Variants in EDIL3 observed in about 807,000 individuals in gnomAD.
The protein encoded by EDIL3 is EGF-like repeat and discoidin I-like domain-containing protein 3.
EDIL3 carries 37 observed loss-of-function variants against 67.4 expected under a neutral mutation model. The observed-to-expected ratio is 0.55, with a 90% CI of 0.42 to 0.72. The LOEUF (loss-of-function observed/expected upper bound fraction) is 0.72, where lower values mean the gene tolerates loss of function less well. Among genes scored for constraint, EDIL3 ranks in the 30% least tolerant of loss-of-function variants. EDIL3 has a pLI of 0.00. For synonymous variants in EDIL3, 195 were observed against 196.3 expected, an observed-to-expected ratio of 0.99 and a Z score of 0.05; for missense variants, 527 against 586.3, an observed-to-expected ratio of 0.90 and a Z score of 1.04.
At chr5:84,144,505 T>C (rs1748259165) in intron 4 of EDIL3, among the ~76,000 whole-genome samples, 1 of 152,086 alleles carries the variant, frequency 6.6e-6, no homozygotes, top group Non-Finnish European at 1.5e-5. Flanking sequence ...ATATCAAAAC[T>C]AAATTGGTCT....
At chr5:84,326,803 ACCAC>A (rs1188877810) in intron 1 of EDIL3, among the ~76,000 whole-genome samples, 2 of 151,400 alleles carry the variant, frequency 1.3e-5, no homozygotes, top group Admixed American at 6.6e-5. Context: ...TTTTTTTCTT[ACCAC>A]CTTCTACATT....
At chr5:84,077,469 T>C (rs1422891177) in intron 6 of EDIL3, among the ~76,000 whole-genome samples, 1 of 152,180 alleles carries the variant, frequency 6.6e-6, no homozygotes, top group Non-Finnish European at 1.5e-5. Flanking sequence ...CAGTTCCACA[T>C]GGCTGGGGAG....
chr5:84,125,680 G>A (rs566634619), intron 5 of EDIL3, among the ~76,000 whole-genome samples: 37 of 152,046 alleles, frequency 2.4e-4, no homozygotes, highest in African/African-American at 8.2e-4. Context: ...CCCCAAGTAC[G>A]GAGTGATCCC....
chr5:84,019,221 A>C (rs1368090162), intron 9 of EDIL3, among the ~76,000 whole-genome samples: 1 of 152,184 alleles, frequency 6.6e-6, no homozygotes. Flanking sequence ...AGCCATAAAA[A>C]ATGATGAATT....
intron 2 of EDIL3, among the ~76,000 whole-genome samples, chr5:84,233,684 A>G (rs984741173): frequency 3.3e-5 from 5 of 152,150 alleles, no homozygotes; most frequent in Non-Finnish European, 7.4e-5. Flanking sequence ...ATTTGGGGAC[A>G]AGGATATGTA....
At chr5:84,028,563 A>G (rs1320723748) in intron 9 of EDIL3, among the ~76,000 whole-genome samples, 4 of 152,170 alleles carry the variant, frequency 2.6e-5, no homozygotes, top group Non-Finnish European at 5.9e-5. Context: ...GTGAAATTAT[A>G]CACACATACA....
chr5:84,233,370 A>C (rs1270809088), intron 2 of EDIL3, among the ~76,000 whole-genome samples: 1 of 152,224 alleles, frequency 6.6e-6, no homozygotes. Context: ...AATATTGAGA[A>C]TTCTGACTCT....
At chr5:84,255,532 C>T (rs1452166347) in intron 1 of EDIL3, among the ~76,000 whole-genome samples, 1 of 152,086 alleles carries the variant, frequency 6.6e-6, no homozygotes, top group Non-Finnish European at 1.5e-5. Flanking sequence ...GGTGAAACTG[C>T]CACCTCCTGG....
chr5:84,168,157 T>C (rs1380656109), intron 4 of EDIL3, among the ~76,000 whole-genome samples: 1 of 152,186 alleles, frequency 6.6e-6, no homozygotes, highest in East Asian at 1.9e-4. Flanking sequence ...TTAGTAAATA[T>C]CCACTCTATG....
At chr5:84,368,366 G>A (rs1344768515) in intron 1 of EDIL3, among the ~76,000 whole-genome samples, 1 of 152,146 alleles carries the variant, frequency 6.6e-6, no homozygotes, top group East Asian at 1.9e-4. Flanking sequence ...ATTCGATATG[G>A]ATTGTCAATG....
chr5:83,980,246 T>G (rs1281731572), intron 9 of EDIL3, among the ~76,000 whole-genome samples: 1 of 152,042 alleles, frequency 6.6e-6, no homozygotes, highest in African/African-American at 2.4e-5. Flanking sequence ...TGTGTTTTTT[T>G]TTTGTTTTTG....
rs566552784 is a variant in EDIL3, at chr5:84,242,231, C to CA, written c.196+11852dup. On this transcript the variant is annotated intron_variant, in intron 2 of 10. Transcript: ENST00000296591. ...TGCGCGGCAGAGCGAGACTCTGTCTCAAAAAAAAAAAAAATTTACACAAAA... is the reference window on the plus strand; with the variant it reads ...TGCGCGGCAGAGCGAGACTCTGTCTCAAAAAAAAAAAAAAATTTACACAAAA... Among the ~76,000 whole-genome samples the CA allele has an allele frequency of 9.3e-3, 1,210 of 130,610 alleles. 10 individuals carry two copies. Among genetic ancestry groups the CA allele is most frequent in the African/African-American group, 0.027 (975 of 35,808 alleles). 85.7% of individuals were successfully genotyped at this position (130,610 alleles called of 152,430 possible).
At position 84,178,281 on chromosome 5, in the gene EDIL3, T is replaced by G. The variant is rs570721834; in HGVS notation, c.355+2112A>C. On this transcript the variant is annotated intron_variant, in intron 4 of 10. Transcript: ENST00000296591. The stretch of plus-strand genomic sequence containing the variant: ...TGATTTCAGGTGATGCCTGTTTATC[T>G]GCATTTCTAATAAACTTCCTGAAGA... Among the ~76,000 whole-genome samples, 146 of 152,322 alleles carry G rather than the reference T, an allele frequency of 9.6e-4. 2 individuals are homozygous for G. The highest frequency in any genetic ancestry group is 3.3e-3 in the African/African-American group (139 of 41,580).
chr5:84,143,289 A>G (rs1216009293), intron 4 of EDIL3, among the ~76,000 whole-genome samples: 1 of 151,908 alleles, frequency 6.6e-6, no homozygotes, highest in African/African-American at 2.4e-5. Context: ...GCTTTCTGCT[A>G]TATTACTAGT....
chr5:84,122,801 T>G (rs980971095), intron 5 of EDIL3, among the ~76,000 whole-genome samples: 12 of 151,982 alleles, frequency 7.9e-5, no homozygotes, highest in African/African-American at 2.9e-4. Context: ...CTGCCGTGGT[T>G]GGACTAAAGA....
chr5:84,312,279 C>CG (rs1301071180), intron 1 of EDIL3, among the ~76,000 whole-genome samples: 2 of 134,062 alleles, frequency 1.5e-5, no homozygotes, highest in African/African-American at 3.3e-5. Flanking sequence ...GCTGGCCGGG[C>CG]GGGGGCTGAC....
At chr5:83,955,007 C>T (rs4557384) in intron 10 of EDIL3, among the ~76,000 whole-genome samples, 141,711 of 151,834 alleles carry the variant, frequency 0.93, 66,294 homozygotes, top group Non-Finnish European at 0.97. Context: ...ATATTTTTAA[C>T]ATGTTAGCAT....
intron 9 of EDIL3, among the ~76,000 whole-genome samples, chr5:83,991,259 C>G (rs1745146141): frequency 6.6e-6 from 1 of 152,106 alleles, no homozygotes; most frequent in Non-Finnish European, 1.5e-5. Flanking sequence ...CTGCAAGAAA[C>G]TCTTTTTTTC....
chr5:84,327,808 C>T (rs934814979), intron 1 of EDIL3, among the ~76,000 whole-genome samples: 4 of 151,910 alleles, frequency 2.6e-5, no homozygotes, highest in African/African-American at 9.7e-5. Flanking sequence ...TAGGAAATCC[C>T]AGGGAGACAC....
Sources: gnomAD v4.1 joint callset for allele counts (sites outside exome capture counted in the v4.1 genomes callset) on GRCh38, gnomAD v4.1.1 for gene constraint, MANE v1.5 for transcripts, NCBI Gene and HGNC (gene_info 2026-07-23, HGNC 2026-07-21) for gene names.